The following PLEKHG5 variants were observed in gnomAD, a reference collection of about 807,000 sequenced individuals.
The protein encoded by PLEKHG5 is pleckstrin homology domain-containing family G member 5.
In PLEKHG5, 52 loss-of-function variants were observed where a neutral mutation model predicts 103.8. The ratio of observed to expected loss-of-function variants is 0.50; its 90% CI spans 0.40 to 0.63. The LOEUF (loss-of-function observed/expected upper bound fraction) is 0.63, where lower values mean the gene tolerates loss of function less well. Ranked by LOEUF, PLEKHG5 falls within the 30% of genes least tolerant of loss-of-function variation. The pLI is 0.00. For synonymous variants in PLEKHG5, 592 were observed against 575.5 expected (o/e 1.03, Z -0.41); for missense variants, 1,205 against 1,347.6 (o/e 0.89, Z 1.66).
chr1:6,518,262 A>G (rs1419594223), intron 1 of PLEKHG5, among the ~76,000 whole-genome samples: 3 of 151,460 alleles, frequency 2.0e-5, no homozygotes, highest in Non-Finnish European at 4.4e-5. Flanking sequence ...AGTAAACTTG[A>G]AAATATGGAT....
chr1:6,477,751 C>T lies in PLEKHG5; in HGVS notation c.-87-93G>A. The T allele has an allele frequency of 3.0e-6, 4 of 1,343,058 alleles. No individual in the cohort carries two copies. The South Asian group carries it at 4.9e-5, about 16-fold the overall frequency. The allele number at this position is 1,343,058 out of a possible 1,614,324, so 83.2% of individuals were successfully genotyped here. On this transcript the variant is annotated intron_variant, in intron 1 of 20. Transcript: ENST00000377728. The stretch of plus-strand genomic sequence containing the variant: ...GCTGCAGGGACTTAGAATGAACTGC[C>T]CTCCATCTCTCGATCCAGGGTGAGG...
chr1:6,506,592 T>C (rs914775850), intron 1 of PLEKHG5, among the ~76,000 whole-genome samples: 15 of 152,064 alleles, frequency 9.9e-5, no homozygotes, highest in Admixed American at 2.0e-4. Context: ...GTGACCCCGC[T>C]CCCAGCCCCA....
chr1:6,474,944 C>A, intron 5 of PLEKHG5, 103 bp downstream of exon 5: 1 of 829,838 alleles, frequency 1.2e-6, no homozygotes, highest in Non-Finnish European at 2.1e-6. Context: ...TCACGGGCCA[C>A]CACACAGACA....
chr1:6,494,021 G>T (rs1368766662), upstream of PLEKHG5, among the ~76,000 whole-genome samples: 1 of 150,958 alleles, frequency 6.6e-6, no homozygotes, highest in Non-Finnish European at 1.5e-5. Flanking sequence ...GCACAATCAC[G>T]GCTCACTGCA....
upstream of PLEKHG5, chr1:6,496,928 C>T (rs1033599356): frequency 3.4e-6 from 5 of 1,491,210 alleles, no homozygotes; most frequent in African/African-American, 7.1e-5. Context: ...GGGGAAGGGG[C>T]TCCAAGATCC....
At chr1:6,499,054 TCCAG>T (rs1262576703), upstream of PLEKHG5, among the ~76,000 whole-genome samples, 1 of 152,174 alleles carries the variant, frequency 6.6e-6, no homozygotes, top group Non-Finnish European at 1.5e-5. Context: ...TTCCCATGCG[TCCAG>T]CCTGGGACTT....
At position 6,486,711 on chromosome 1, in the gene PLEKHG5, C is replaced by T. The variant is rs1053471844; in HGVS notation, c.-88+4926G>A. ...CTCTGGTGCTGGAGTCACCACTACA[C>T]GGCTGTCAAAGCGCTTTTACACTGA... On this transcript the variant is annotated intron_variant, in intron 1 of 20. Transcript: ENST00000377728. This position sits in a 1 kb window ranked among gnomAD's most constrained non-coding sequence, Gnocchi z 5.3. Among the ~76,000 whole-genome samples, 1 of 152,256 alleles carries T rather than the reference C, an allele frequency of 6.6e-6. No homozygotes were observed. Among genetic ancestry groups the T allele is most frequent in the Non-Finnish European group, 1.5e-5 (1 of 68,050 alleles).
At position 6,467,958 on chromosome 1, in the gene PLEKHG5, G is replaced by C; in HGVS notation, c.2878C>G (p.Leu960Val). The change falls in exon 20 of 21, where the codon CTG becomes GTG. Residue 960 changes from leucine (L) to valine (V), a missense_variant. By Grantham distance (32) the Leu-to-Val change is conservative. Coordinates refer to ENST00000377728, the MANE Select transcript of PLEKHG5 (RefSeq NM_020631.6). ...ACCCTGGGAGAGGCCCCCGAGGGCA[G>C]GTCTCCACACCTCTTCCTGTGGGAG... ...AGSHRKRCGD[L>V]PSGASPRVQP... 5 of 1,568,536 alleles carry C rather than the reference G, an allele frequency of 3.2e-6. No homozygotes were observed. The South Asian group carries it at 5.8e-5, about 18-fold the overall frequency.
At chr1:6,467,596 G>A (rs1271965498) in intron 20 of PLEKHG5, 24 bp from the exon 21 acceptor site, 1 of 1,612,192 alleles carries the variant, frequency 6.2e-7, no homozygotes, top group East Asian at 2.2e-5. Flanking sequence ...AGGGGACAGA[G>A]TCCTTCTTTG....
Position 6,470,222 on chromosome 1 carries a change from G to T in PLEKHG5, c.1800+14C>A. The T allele has an allele frequency of 6.2e-7, 1 of 1,613,578 alleles. No homozygotes were observed. Among genetic ancestry groups the T allele is most frequent in the Admixed American group, 1.7e-5 (1 of 60,012 alleles). The stretch of plus-strand genomic sequence containing the variant: ...GAAGGGCAGGGCACAGGGGTGGGGT[G>T]GCCCTGGAATCACCTTGCTGTCCTT... On this transcript the variant is annotated intron_variant, in intron 16 of 20. Transcript: ENST00000377728.
chr1:6,497,197 G>A, upstream of PLEKHG5: 1 of 861,550 alleles, frequency 1.2e-6, no homozygotes, highest in Admixed American at 2.0e-5. The surrounding 1 kb of genome is among the most constrained non-coding windows in gnomAD (Gnocchi z 6.1). Flanking sequence ...GGGTACGAGC[G>A]GCCCGAAGCC....
In PLEKHG5 at chr1:6,510,030, C is replaced by T. The variant is rs181374731; in HGVS notation, c.-165+9415G>A. ...CTTCCTCTCCCGGTGTCTGAGGAGG[C>T]CTGTCTGGACCCCCAGGGCAGCCGG... On this transcript the variant is annotated intron_variant, in intron 1 of 21. Transcript: ENST00000377740. Among the ~76,000 whole-genome samples, 641 of 152,298 alleles carry T rather than the reference C, an allele frequency of 4.2e-3. 4 individuals are homozygous for T. The highest frequency in any genetic ancestry group is 0.015 in the African/African-American group (604 of 41,558).
chr1:6,481,524 AAAATAAATAAAT>A (rs199883420), intron 1 of PLEKHG5, among the ~76,000 whole-genome samples: 2,701 of 144,180 alleles, frequency 0.019, 79 homozygotes, highest in African/African-American at 0.059. Flanking sequence ...ACTCCGTCTC[AAAATAAATAAAT>A]AAATAAATAA....
upstream of PLEKHG5, among the ~76,000 whole-genome samples, chr1:6,496,071 C>G (rs1241097389): frequency 1.3e-5 from 2 of 152,258 alleles, no homozygotes; most frequent in African/African-American, 4.8e-5. Flanking sequence ...CCCAAAGCAT[C>G]TCAGACCCAT....
At chr1:6,471,386 G>C in intron 12 of PLEKHG5, 102 bp downstream of exon 12, 1 of 1,330,030 alleles carries the variant, frequency 7.5e-7, no homozygotes, top group Non-Finnish European at 1.0e-6. Context: ...TACGGGCCTG[G>C]GGGAGGTTGG....
chr1:6,517,926 G>GAT (rs1302950699), intron 1 of PLEKHG5, among the ~76,000 whole-genome samples: 10 of 152,076 alleles, frequency 6.6e-5, no homozygotes, highest in East Asian at 1.9e-4. Context: ...CGTCATGGCG[G>GAT]ATATATATAT....
In PLEKHG5 at chr1:6,471,073, G is replaced by C; in HGVS notation, c.1309C>G (p.Arg437Gly). 1 of 1,594,522 alleles carries C rather than the reference G, an allele frequency of 6.3e-7. No homozygotes were observed. Among genetic ancestry groups the C allele is most frequent in the South Asian group, 1.1e-5 (1 of 87,938 alleles). ...CAGCCCTCCTCCTCCATGCAGTAGCGGATGTAGGGCTTGAAGAGCGAGCCG... is the reference window on the plus strand; with the variant it reads ...CAGCCCTCCTCCTCCATGCAGTAGCCGATGTAGGGCTTGAAGAGCGAGCCG... The part of the protein sequence containing the change: ...MFGSLFKPYI[R>G]YCMEEEGCME... Residue 437 changes from arginine to glycine, a missense_variant, in exon 13 of 21, where the codon CGC becomes GGC. Arg to Gly is a moderately radical substitution (Grantham distance 125). Coordinates refer to ENST00000377728, the MANE Select transcript of PLEKHG5 (RefSeq NM_020631.6).
chr1:6,480,477 G>A (rs952170320), intron 1 of PLEKHG5, among the ~76,000 whole-genome samples: 11 of 149,414 alleles, frequency 7.4e-5, no homozygotes, highest in African/African-American at 2.0e-4. Flanking sequence ...GCAGTGAGCC[G>A]AGATCACACC....
chr1:6,505,475 A>T lies in PLEKHG5; in HGVS notation c.-164-8906T>A, dbSNP rs76126626. 2.0e-5 allele frequency among the ~76,000 whole-genome samples: 3 copies of T among 151,364 alleles called. No homozygotes were observed. Among genetic ancestry groups the T allele is most frequent in the African/African-American group, 7.3e-5 (3 of 41,134 alleles). On this transcript the variant is annotated intron_variant, in intron 1 of 21. Coordinates refer to the PLEKHG5 transcript ENST00000377740. This position sits in a 1 kb window ranked among gnomAD's most constrained non-coding sequence, Gnocchi z 4.2. ...CATTATTCCCATTCACAGCTCCCCA[A>T]CCTCTCACCCCCAGGAGCAGTCCAA... is the stretch of plus-strand genomic sequence containing the variant.
Sources: allele counts gnomAD v4.1 joint callset (sites outside exome capture counted in the v4.1 genomes callset), GRCh38; gene constraint gnomAD v4.1.1; non-coding constraint Gnocchi (gnomAD v3.1); transcripts MANE v1.5; gene names NCBI Gene and HGNC (gene_info 2026-07-23, HGNC 2026-07-21).